Variants in CMTR2 observed in about 807,000 individuals in gnomAD.
CMTR2 encodes the protein cap-specific mRNA (nucleoside-2'-O-)-methyltransferase 2.
CMTR2 carries 40 observed loss-of-function variants against 49.8 expected under a neutral mutation model. That is an observed-to-expected ratio of 0.80 (90% CI 0.62 to 1.04). CMTR2 has a LOEUF of 1.04. Among genes scored for constraint, CMTR2 ranks in the 50% least tolerant of loss-of-function variants. The pLI, the probability that CMTR2 is intolerant of heterozygous loss-of-function variation, is 0.00. For synonymous variants in CMTR2, 326 were observed against 315.8 expected, an observed-to-expected ratio of 1.03 and a Z score of -0.34; for missense variants, 907 against 897.2, an observed-to-expected ratio of 1.01 and a Z score of -0.14.
intron 1 of CMTR2, 26 bp downstream of exon 1, chr16:71,289,110 C>G (rs954324983): frequency 2.0e-5 from 3 of 152,378 alleles, no homozygotes; most frequent in African/African-American, 7.2e-5. Flanking sequence ...AAGGAGGGCC[C>G]GGAATCGTAC....
chr16:71,283,433 G>A lies in CMTR2; in HGVS notation c.*175C>T. The A allele has an allele frequency of 3.0e-6, 2 of 676,512 alleles. No homozygotes were observed. Among genetic ancestry groups the A allele is most frequent in the African/African-American group, 1.8e-5 (1 of 54,998 alleles). 41.9% of individuals were successfully genotyped at this position (676,512 alleles called of 1,614,324 possible). On this transcript the variant is annotated 3_prime_UTR_variant, in exon 3 of 3. Coordinates refer to ENST00000434935, the MANE Select transcript of CMTR2 (RefSeq NM_018348.6). ...CACGTGGAAGAGCTCTATGCCTGTG[G>A]GTGTATATACCCTAGAGATCAGAAT... is the stretch of plus-strand genomic sequence containing the variant.
Position 71,285,263 on chromosome 16 carries a change from G to A in CMTR2, c.658C>T (p.Gln220Ter). The change falls in exon 3 of 3, where the codon CAG (glutamine) becomes TAG (stop). Residue 220 changes from glutamine to a stop codon, truncating the protein, a stop_gained. Coordinates refer to ENST00000434935, the MANE Select transcript of CMTR2 (RefSeq NM_018348.6). LOFTEE classifies it high-confidence loss of function. ...IMTLKFLTGL[Q>*]NFISSMATVH... ...GTAGCCATGCTGCTTATGAAATTCT[G>A]AAGTCCAGTCAAGAATTTCAGGGTC... 1.2e-6 allele frequency: 2 copies of A among 1,614,016 alleles called. No homozygotes were observed. The highest frequency in any genetic ancestry group is 1.7e-6 in the Non-Finnish European group (2 of 1,179,894).
intron 1 of CMTR2, 39 bp downstream of exon 1, chr16:71,289,097 T>G (rs1467530925): frequency 6.6e-6 from 1 of 152,300 alleles, no homozygotes; most frequent in Non-Finnish European, 1.5e-5. Flanking sequence ...CGCTGGGAAG[T>G]CGAAGGAGGG....
intron 2 of CMTR2, chr16:71,286,763 G>C (rs1198823960): frequency 2.6e-5 from 4 of 151,834 alleles, no homozygotes; most frequent in East Asian, 3.9e-4. Context: ...GCTTTCATAT[G>C]GTTCAGACAG....
chr16:71,284,593 G>C lies in CMTR2; in HGVS notation c.1328C>G (p.Thr443Ser). The C allele has an allele frequency of 6.2e-7, 1 of 1,613,446 alleles. No individual in the cohort carries two copies. The highest frequency in any genetic ancestry group is 8.5e-7 in the Non-Finnish European group (1 of 1,179,772). ...TTCTAGCATCTTCCTTTCATTATAA[G>C]TTTTAAAATATTTGTTCCTCTGCCC... ...WFGQRNKYFKTYNERKMLEAL... is the reference protein window; with the variant it reads ...WFGQRNKYFKSYNERKMLEAL... Residue 443 changes from threonine (T) to serine (S), a missense_variant, in exon 3 of 3, where the codon ACT becomes AGT. Physicochemically the swap from Thr to Ser is moderately conservative, Grantham distance 58. Coordinates refer to ENST00000434935, the MANE Select transcript of CMTR2 (RefSeq NM_018348.6).
chr16:71,285,266 G>C lies in CMTR2; in HGVS notation c.655C>G (p.Leu219Val), dbSNP rs753705505. 6.2e-7 allele frequency: 1 copy of C among 1,614,014 alleles called. No individual in the cohort carries two copies. Among genetic ancestry groups the C allele is most frequent in the Admixed American group, 1.7e-5 (1 of 60,026 alleles). The change falls in exon 3 of 3, where the codon CTT (leucine) becomes GTT (valine). Residue 219 changes from leucine (L) to valine (V), a missense_variant. Transcript: ENST00000434935. ...DIMTLKFLTG[L>V]QNFISSMATV... ...GCCATGCTGCTTATGAAATTCTGAA[G>C]TCCAGTCAAGAATTTCAGGGTCATG...
In CMTR2 at chr16:71,285,856, A is replaced by C; in HGVS notation, c.65T>G (p.Ile22Ser). Residue 22 changes from isoleucine to serine, a missense_variant, in exon 3 of 3, where the codon ATT becomes AGT. Coordinates refer to ENST00000434935, the MANE Select transcript of CMTR2 (RefSeq NM_018348.6). ...AAAGAGTTCAAAAATGTCAGCAAGA[A>C]TATCTGGGCTGAATGACGCGGGACT... ...LASPASFSPD[I>S]LADIFELFAK... is the part of the protein sequence containing the mutation. The C allele has an allele frequency of 6.2e-7, 1 of 1,613,768 alleles. No individual in the cohort carries two copies. Among genetic ancestry groups the C allele is most frequent in the Non-Finnish European group, 8.5e-7 (1 of 1,179,886 alleles).
chr16:71,284,428 T>C lies in CMTR2; in HGVS notation c.1493A>G (p.Glu498Gly). 3 of 1,613,908 alleles carry C rather than the reference T, an allele frequency of 1.9e-6. No individual in the cohort carries two copies. The highest frequency in any genetic ancestry group is 2.5e-6 in the Non-Finnish European group (3 of 1,179,960). ...NLECHLWHIL[E>G]GKKLPKVKCS... is the part of the protein sequence containing the mutation. ...TTTTACCTTTGGCAGTTTCTTTCCC[T>C]CCAAAATATGCCATAAGTGACACTC... Residue 498 changes from glutamate to glycine, a missense_variant, in exon 3 of 3, where the codon GAG becomes GGG. Coordinates refer to ENST00000434935, the MANE Select transcript of CMTR2 (RefSeq NM_018348.6).
Position 71,282,469 on chromosome 16 carries a change from G to A in CMTR2, c.*1139C>T, listed in dbSNP as rs886206247. ...TGAGAATATAAATATTCTCCACTTT[G>A]TGGAACTTCAAGATAATGAAAAATT... On this transcript the variant is annotated 3_prime_UTR_variant, in exon 3 of 3. Coordinates refer to ENST00000434935, the MANE Select transcript of CMTR2 (RefSeq NM_018348.6). 13 of 152,012 alleles carry A rather than the reference G, an allele frequency of 8.6e-5. No homozygotes were observed. Among genetic ancestry groups the A allele is most frequent in the African/African-American group, 3.1e-4 (13 of 41,412 alleles). 9.4% of individuals were successfully genotyped at this position (152,012 alleles called of 1,614,324 possible).
chr16:71,283,524 G>T lies in CMTR2; in HGVS notation c.*84C>A. 1.4e-6 allele frequency: 2 copies of T among 1,463,282 alleles called. No individual in the cohort carries two copies. The highest frequency in any genetic ancestry group is 1.8e-6 in the Non-Finnish European group (2 of 1,096,564). The allele number at this position is 1,463,282 out of a possible 1,614,324, so 90.6% of individuals were successfully genotyped here. ...ATGTTGGCCTTTCCCCAAAATAAAA[G>T]GTTTTTAAATTAATAGAGCAACAGG... is the stretch of plus-strand genomic sequence containing the variant. On this transcript the variant is annotated 3_prime_UTR_variant, in exon 3 of 3. Coordinates refer to ENST00000434935, the MANE Select transcript of CMTR2 (RefSeq NM_018348.6).
chr16:71,283,522 A>G lies in CMTR2; in HGVS notation c.*86T>C, dbSNP rs2041647367. On this transcript the variant is annotated 3_prime_UTR_variant, in exon 3 of 3. Coordinates refer to ENST00000434935, the MANE Select transcript of CMTR2 (RefSeq NM_018348.6). ...AAATGTTGGCCTTTCCCCAAAATAA[A>G]AGGTTTTTAAATTAATAGAGCAACA... The G allele has an allele frequency of 6.9e-7, 1 of 1,454,650 alleles. No homozygotes were observed. Among genetic ancestry groups the G allele is most frequent in the East Asian group, 2.3e-5 (1 of 42,912 alleles). 90.1% of individuals were successfully genotyped at this position (1,454,650 alleles called of 1,614,324 possible).
At position 71,282,545 on chromosome 16, in the gene CMTR2, A is replaced by G. The variant is rs1315222304; in HGVS notation, c.*1063T>C. The G allele has an allele frequency of 6.6e-6, 1 of 152,172 alleles. No individual in the cohort carries two copies. The highest frequency in any genetic ancestry group is 1.5e-5 in the Non-Finnish European group (1 of 67,982). 9.4% of individuals were successfully genotyped at this position (152,172 alleles called of 1,614,324 possible). On this transcript the variant is annotated 3_prime_UTR_variant, in exon 3 of 3. Coordinates refer to ENST00000434935, the MANE Select transcript of CMTR2 (RefSeq NM_018348.6). ...TCATTACACTGCAAATACAGAAGAA[A>G]TAAAATAACTCATTACATTGCAGAT... is the stretch of plus-strand genomic sequence containing the variant.
In CMTR2 at chr16:71,286,307, T is replaced by C. The variant is rs768217370; in HGVS notation, c.-19-368A>G. Among the ~76,000 whole-genome samples the C allele has an allele frequency of 2.6e-5, 4 of 152,264 alleles. No homozygotes were observed. The East Asian group carries it at 5.8e-4, about 22-fold the overall frequency. ...CAGTGAATGACAGCTCTGATTATCA[T>C]AGTAACCCATCTAACTCTTCCCCAA... is the stretch of plus-strand genomic sequence containing the variant. On this transcript the variant is annotated intron_variant, in intron 2 of 2. Coordinates refer to ENST00000434935, the MANE Select transcript of CMTR2 (RefSeq NM_018348.6).
At position 71,284,959 on chromosome 16, in the gene CMTR2, T is replaced by C; in HGVS notation, c.962A>G (p.Lys321Arg). The C allele has an allele frequency of 2.5e-6, 4 of 1,614,146 alleles. No homozygotes were observed. Among genetic ancestry groups the C allele is most frequent in the Non-Finnish European group, 3.4e-6 (4 of 1,179,974 alleles). Reference protein sequence around the residue: ...SEVYVVCLHYKGREAIHPLLS... With the variant: ...SEVYVVCLHYRGREAIHPLLS... Reference sequence around the variant, plus strand: ...CAGAGGATGGATGGCCTCTCTCCCCTTATAGTGGAGGCAAACCACATAGAC... The same window carrying C: ...CAGAGGATGGATGGCCTCTCTCCCCCTATAGTGGAGGCAAACCACATAGAC... The change falls in exon 3 of 3, where the codon AAG becomes AGG. Residue 321 changes from lysine to arginine, a missense_variant. By Grantham distance (26) the Lys-to-Arg change is conservative. Coordinates refer to ENST00000434935, the MANE Select transcript of CMTR2 (RefSeq NM_018348.6).
Position 71,285,232 on chromosome 16 carries a change from T to C in CMTR2, c.689A>G (p.His230Arg). Residue 230 changes from histidine (H) to arginine (R), a missense_variant, in exon 3 of 3, where the codon CAC becomes CGC. Transcript: ENST00000434935. ...AAAACTCCCATCTGCAGTGACCAAG[T>C]GAACAGTAGCCATGCTGCTTATGAA... ...QNFISSMATV[H>R]LVTADGSFDC... The C allele has an allele frequency of 6.2e-7, 1 of 1,613,656 alleles. No individual in the cohort carries two copies. Among genetic ancestry groups the C allele is most frequent in the Non-Finnish European group, 8.5e-7 (1 of 1,179,586 alleles).
chr16:71,288,967 G>A (rs989638396), intron 1 of CMTR2, 30 bp from the exon 2 acceptor site: 11 of 152,288 alleles, frequency 7.2e-5, no homozygotes, highest in Non-Finnish European at 1.2e-4. Context: ...TGAGTATCCA[G>A]GGCTGACTTT....
rs1313700663 is a variant in CMTR2, at chr16:71,281,414, A to G, written c.*2194T>C. ...CAATTTGATGTTTGTTTTTTAATAGATATTACAAATTAAAAATCTCAAAAC... is the reference window on the plus strand; with the variant it reads ...CAATTTGATGTTTGTTTTTTAATAGGTATTACAAATTAAAAATCTCAAAAC... On this transcript the variant is annotated 3_prime_UTR_variant, in exon 3 of 3. Coordinates refer to ENST00000434935, the MANE Select transcript of CMTR2 (RefSeq NM_018348.6). 1.3e-5 allele frequency: 2 copies of G among 152,018 alleles called. No homozygotes were observed. Among genetic ancestry groups the G allele is most frequent in the South Asian group, 4.1e-4 (2 of 4,828 alleles). 9.4% of individuals were successfully genotyped at this position (152,018 alleles called of 1,614,324 possible).
Position 71,282,342 on chromosome 16 carries a change from C to G in CMTR2, c.*1266G>C, listed in dbSNP as rs962220184. 1 of 151,874 alleles carries G rather than the reference C, an allele frequency of 6.6e-6. No homozygotes were observed. The highest frequency in any genetic ancestry group is 2.4e-5 in the African/African-American group (1 of 41,374). The allele number at this position is 151,874 out of a possible 1,614,324, so 9.4% of individuals were successfully genotyped here. A position where few individuals can be genotyped will look rare whatever the true frequency, so the allele number is the denominator to read the frequency against. Reference sequence around the variant, plus strand: ...TTATTCATGAATCTATAATGGAATTCAAAATAGCAAAGAACATGAAAATGT... The same window carrying G: ...TTATTCATGAATCTATAATGGAATTGAAAATAGCAAAGAACATGAAAATGT... On this transcript the variant is annotated 3_prime_UTR_variant, in exon 3 of 3. Transcript: ENST00000434935.
Position 71,283,471 on chromosome 16 carries a change from A to C in CMTR2, c.*137T>G, listed in dbSNP as rs568203537. ...TAGAGATCAGAATGGATGGTTTTCC[A>C]GAATTAATGAGACTTTGAATGATGC... is the stretch of plus-strand genomic sequence containing the variant. On this transcript the variant is annotated 3_prime_UTR_variant, in exon 3 of 3. Coordinates refer to ENST00000434935, the MANE Select transcript of CMTR2 (RefSeq NM_018348.6). 2.6e-5 allele frequency: 28 copies of C among 1,064,990 alleles called. No individual in the cohort carries two copies. The East Asian group carries it at 7.0e-4, about 27-fold the overall frequency. The allele number at this position is 1,064,990 out of a possible 1,614,324, so 66.0% of individuals were successfully genotyped here. A position where few individuals can be genotyped will look rare whatever the true frequency, so the allele number is the denominator to read the frequency against.
Sources: gnomAD v4.1 joint callset for allele counts (sites outside exome capture counted in the v4.1 genomes callset) on GRCh38, gnomAD v4.1.1 for gene constraint, MANE v1.5 for transcripts, NCBI Gene and HGNC (gene_info 2026-07-23, HGNC 2026-07-21) for gene names.